ADAMTS17: variants seen among roughly 807,000 people sequenced by gnomAD.
The protein encoded by ADAMTS17 is A disintegrin and metalloproteinase with thrombospondin motifs 17.
In ADAMTS17, 113 loss-of-function variants were observed where a neutral mutation model predicts 141.5. The observed-to-expected ratio is 0.80, with a 90% CI of 0.69 to 0.93. The LOEUF (loss-of-function observed/expected upper bound fraction) is 0.93, where lower values mean the gene tolerates loss of function less well. Ranked by LOEUF, ADAMTS17 falls within the 40% of genes least tolerant of loss-of-function variation. The pLI is 0.00. For missense variants in ADAMTS17, 1,659 were observed against 1,517.9 expected (o/e 1.09, Z -1.54); for synonymous variants, 768 against 630.6 (o/e 1.22, Z -3.27).
intron 4 of ADAMTS17, among the ~76,000 whole-genome samples, chr15:100,266,255 C>T (rs1288645857): frequency 6.6e-6 from 1 of 152,206 alleles, no homozygotes; most frequent in African/African-American, 2.4e-5. Flanking sequence ...TATTCCTGCT[C>T]CCGTGTCACC....
chr15:100,193,989 C>T (rs937963236), intron 8 of ADAMTS17, among the ~76,000 whole-genome samples: 1 of 152,238 alleles, frequency 6.6e-6, no homozygotes, highest in South Asian at 2.1e-4. Flanking sequence ...ATTTCTTGAA[C>T]CCTGGTCTGG....
chr15:100,119,214 G>C (rs1190631799), intron 12 of ADAMTS17, among the ~76,000 whole-genome samples: 1 of 152,126 alleles, frequency 6.6e-6, no homozygotes, highest in Non-Finnish European at 1.5e-5. Flanking sequence ...CTCCAGGACT[G>C]TACGACAATA....
intron 2 of ADAMTS17, among the ~76,000 whole-genome samples, chr15:100,339,297 G>A (rs2046295063): frequency 6.6e-6 from 1 of 152,166 alleles, no homozygotes; most frequent in Non-Finnish European, 1.5e-5. Context: ...TTCCACCTCG[G>A]CGCCTTCACA....
intron 7 of ADAMTS17, among the ~76,000 whole-genome samples, chr15:100,200,443 C>T (rs536645804): frequency 1.2e-4 from 18 of 152,168 alleles, no homozygotes; most frequent in African/African-American, 3.9e-4. Flanking sequence ...CTCCAGGGCT[C>T]CCCACCACAG....
Position 99,973,988 on chromosome 15 carries a change from T to C in ADAMTS17, c.*414A>G. 3.6e-6 allele frequency: 1 copy of C among 279,132 alleles called. No individual in the cohort carries two copies. Among genetic ancestry groups the C allele is most frequent in the South Asian group, 3.6e-5 (1 of 27,888 alleles). The allele number at this position is 279,132 out of a possible 1,614,324, so 17.3% of individuals were successfully genotyped here. On this transcript the variant is annotated 3_prime_UTR_variant, in exon 22 of 22. Transcript: ENST00000268070. ...CCTCCCTCCATGGTGTCGCCGGCTT[T>C]CAGAATAAAGCCTTTTCTAGCATGT...
At chr15:100,053,161 C>T (rs769937720) in intron 16 of ADAMTS17, among the ~76,000 whole-genome samples, 3 of 152,158 alleles carry the variant, frequency 2.0e-5, no homozygotes, top group Non-Finnish European at 4.4e-5. Context: ...GACCCGGAAT[C>T]GATAATGATG....
chr15:100,312,950 T>C (rs1276350394), intron 3 of ADAMTS17, among the ~76,000 whole-genome samples: 1 of 152,062 alleles, frequency 6.6e-6, no homozygotes, highest in Non-Finnish European at 1.5e-5. Context: ...TCTAGGAAAA[T>C]ACAATTTACC....
intron 10 of ADAMTS17, among the ~76,000 whole-genome samples, chr15:100,140,179 A>G (rs2038554852): frequency 1.3e-5 from 2 of 151,764 alleles, no homozygotes; most frequent in African/African-American, 4.8e-5. Context: ...TATTTTTGGT[A>G]GAGATGGGGT....
At chr15:99,977,368 AT>A (rs1567631987) in intron 20 of ADAMTS17, among the ~76,000 whole-genome samples, 5 of 9,632 alleles carry the variant, frequency 5.2e-4, no homozygotes, top group African/African-American at 1.6e-3. Flanking sequence ...ATATATATAT[AT>A]ATATATATAT....
chr15:100,088,364 C>T (rs1349332578), intron 15 of ADAMTS17, among the ~76,000 whole-genome samples: 43 of 152,160 alleles, frequency 2.8e-4, no homozygotes, highest in Admixed American at 2.8e-3. Context: ...GAAGAACATT[C>T]CATGCTCATG....
chr15:100,103,334 G>A (rs985785351), intron 14 of ADAMTS17, among the ~76,000 whole-genome samples: 1 of 152,234 alleles, frequency 6.6e-6, no homozygotes, highest in Non-Finnish European at 1.5e-5. Flanking sequence ...CCAGGCTTAA[G>A]TGCCAGGCAC....
chr15:100,331,201 T>C (rs2046043338), intron 2 of ADAMTS17, 147 bp from the exon 3 acceptor site: 2 of 1,016,098 alleles, frequency 2.0e-6, no homozygotes, highest in East Asian at 5.2e-5. Context: ...CAGATTTACC[T>C]GAGCCCAAGA....
chr15:100,052,735 A>G (rs901387902), intron 16 of ADAMTS17, among the ~76,000 whole-genome samples: 3 of 152,240 alleles, frequency 2.0e-5, no homozygotes, highest in African/African-American at 4.8e-5. Context: ...CTTATCCCAG[A>G]TAAATGACTT....
intron 15 of ADAMTS17, among the ~76,000 whole-genome samples, chr15:100,070,788 C>A (rs964492337): frequency 6.7e-6 from 1 of 149,108 alleles, no homozygotes; most frequent in African/African-American, 2.5e-5. Flanking sequence ...CAAGAGAAAG[C>A]AGGAAAGATC....
chr15:100,096,548 G>T (rs1238542517), intron 14 of ADAMTS17, 72 bp from the exon 15 acceptor site: 3 of 1,607,248 alleles, frequency 1.9e-6, no homozygotes, highest in African/African-American at 2.7e-5. Flanking sequence ...GCCCTGCAAG[G>T]CTAACTTTTC....
At chr15:100,234,513 G>A (rs1567402850) in intron 7 of ADAMTS17, among the ~76,000 whole-genome samples, 1 of 152,160 alleles carries the variant, frequency 6.6e-6, no homozygotes, top group Non-Finnish European at 1.5e-5. Flanking sequence ...CATAATCCCT[G>A]CTTTTCCAAT....
intron 3 of ADAMTS17, among the ~76,000 whole-genome samples, chr15:100,328,566 C>T (rs1450655462): frequency 6.6e-6 from 1 of 152,200 alleles, no homozygotes; most frequent in African/African-American, 2.4e-5. Flanking sequence ...TCAGAAATTT[C>T]TCCCTACAGT....
chr15:100,231,181 C>T (rs2042469698), intron 7 of ADAMTS17, among the ~76,000 whole-genome samples: 1 of 152,160 alleles, frequency 6.6e-6, no homozygotes, highest in African/African-American at 2.4e-5. Context: ...ATTTTCAGGA[C>T]CGTGTTATGT....
At chr15:100,247,913 C>T (rs559332689) in intron 7 of ADAMTS17, among the ~76,000 whole-genome samples, 3 of 152,316 alleles carry the variant, frequency 2.0e-5, no homozygotes, top group South Asian at 2.1e-4. Context: ...CCCACACGCT[C>T]TTCCTCACAC....
Sources: allele counts gnomAD v4.1 joint callset (sites outside exome capture counted in the v4.1 genomes callset), GRCh38; gene constraint gnomAD v4.1.1; transcripts MANE v1.5; gene names NCBI Gene and HGNC (gene_info 2026-07-23, HGNC 2026-07-21).